Variants in TENM4 observed in about 807,000 individuals in gnomAD.
TENM4 encodes teneurin transmembrane protein 4, also known as teneurin-4.
A neutral mutation model predicts 243.3 loss-of-function variants in TENM4; 82 were observed. That is an observed-to-expected ratio of 0.34 (90% CI 0.28 to 0.40). TENM4 has a LOEUF of 0.40. Ranked by LOEUF, TENM4 falls within the 10% of genes least tolerant of loss-of-function variation. TENM4 has a pLI of 1.00. For synonymous variants in TENM4, 1,412 were observed against 1,456.3 expected (o/e 0.97, Z 0.69); for missense variants, 3,138 against 3,673.3 (o/e 0.85, Z 3.77).
chr11:79,419,430 G>A (rs1230469259), intron 1 of TENM4, among the ~76,000 whole-genome samples: 2 of 152,158 alleles, frequency 1.3e-5, no homozygotes, highest in Non-Finnish European at 2.9e-5. Context: ...CACGGCACGG[G>A]GATGGATGTG....
intron 7 of TENM4, among the ~76,000 whole-genome samples, chr11:78,900,448 C>T (rs1202889469): frequency 1.3e-5 from 2 of 152,172 alleles, no homozygotes; most frequent in African/African-American, 2.4e-5. Flanking sequence ...GTAGAACCTA[C>T]TATTTCCCCT....
chr11:78,866,510 G>A (rs557234831), intron 9 of TENM4, among the ~76,000 whole-genome samples: 40 of 151,648 alleles, frequency 2.6e-4, no homozygotes, highest in African/African-American at 8.7e-4. Flanking sequence ...GAATAAGCCA[G>A]GGAAAAAAGT....
chr11:79,194,863 A>G (rs966814261), intron 3 of TENM4, among the ~76,000 whole-genome samples: 2 of 152,330 alleles, frequency 1.3e-5, no homozygotes, highest in Non-Finnish European at 2.9e-5. Flanking sequence ...AGACCATGGG[A>G]AAAATATCTC....
At chr11:79,329,407 A>G (rs1038631657) in intron 1 of TENM4, among the ~76,000 whole-genome samples, 1 of 152,166 alleles carries the variant, frequency 6.6e-6, no homozygotes, top group Admixed American at 6.5e-5. Context: ...CAACATCCCA[A>G]CCTCAGTTAC....
At chr11:79,054,850 G>T (rs1233148470) in intron 6 of TENM4, among the ~76,000 whole-genome samples, 1 of 152,072 alleles carries the variant, frequency 6.6e-6, no homozygotes, top group Non-Finnish European at 1.5e-5. Context: ...TAACTGACTG[G>T]CTGGGTGCAG....
intron 6 of TENM4, among the ~76,000 whole-genome samples, chr11:79,000,169 G>A (rs928265166): frequency 6.6e-6 from 1 of 152,060 alleles, no homozygotes; most frequent in Non-Finnish European, 1.5e-5. Flanking sequence ...AAAAAGTGAA[G>A]GTAAAACAAA....
chr11:78,817,415 C>T (rs1591045970), intron 12 of TENM4, among the ~76,000 whole-genome samples: 1 of 152,140 alleles, frequency 6.6e-6, no homozygotes, highest in African/African-American at 2.4e-5. Flanking sequence ...GAGTTAAGAA[C>T]AAGAAGGTCT....
rs150744721 is a variant in TENM4 at position 79,283,248 on chromosome 11, AC to A, written c.-265+14239del. ...CACACACACACACACACACACACAC[AC>A]AAGTACAGATGAATATCTCCCAAAA... is the stretch of plus-strand genomic sequence containing the variant. On this transcript the variant is annotated intron_variant, in intron 2 of 33. Coordinates refer to ENST00000278550, the MANE Select transcript of TENM4 (RefSeq NM_001098816.3). Among the ~76,000 whole-genome samples the A allele has an allele frequency of 1.2e-3, 187 of 149,614 alleles. 1 individual carries two copies. Among genetic ancestry groups the A allele is most frequent in the African/African-American group, 4.2e-3 (166 of 39,768 alleles).
At chr11:78,683,588 T>G (rs1858575708) in intron 29 of TENM4, among the ~76,000 whole-genome samples, 1 of 136,990 alleles carries the variant, frequency 7.3e-6, no homozygotes. Context: ...GGGAACTCCC[T>G]GACCCCTTGC....
chr11:78,711,221 A>G (rs1471112422), intron 26 of TENM4, among the ~76,000 whole-genome samples: 1 of 152,212 alleles, frequency 6.6e-6, no homozygotes, highest in Non-Finnish European at 1.5e-5. Flanking sequence ...GGTATGTGGT[A>G]GAGACAATGT....
At chr11:79,343,643 T>G (rs1857278317) in intron 1 of TENM4, among the ~76,000 whole-genome samples, 1 of 150,872 alleles carries the variant, frequency 6.6e-6, no homozygotes, top group East Asian at 1.9e-4. Context: ...GAAAATACAG[T>G]GTAGCTAAGT....
chr11:79,412,392 AC>A (rs1181220817), intron 1 of TENM4, among the ~76,000 whole-genome samples: 1 of 152,176 alleles, frequency 6.6e-6, no homozygotes, highest in African/African-American at 2.4e-5. Context: ...GTTGGGGTCC[AC>A]CAGTTACCAA....
chr11:78,690,834 T>TAA (rs1858800958), intron 28 of TENM4, among the ~76,000 whole-genome samples: 3 of 152,192 alleles, frequency 2.0e-5, no homozygotes, highest in Non-Finnish European at 4.4e-5. Flanking sequence ...GGGGATGCTG[T>TAA]TCTAGGCTGA....
At chr11:78,921,048 G>C (rs1238908443) in intron 6 of TENM4, among the ~76,000 whole-genome samples, 1 of 152,190 alleles carries the variant, frequency 6.6e-6, no homozygotes, top group Non-Finnish European at 1.5e-5. Flanking sequence ...GAAGTGAAGG[G>C]TTAGCATGAG....
intron 1 of TENM4, among the ~76,000 whole-genome samples, chr11:79,394,693 A>C (rs926991417): frequency 5.9e-5 from 9 of 152,234 alleles, no homozygotes; most frequent in Non-Finnish European, 1.2e-4. Context: ...GTCTTTGTGA[A>C]TGTAATCAAG....
rs117664071 is a variant in TENM4 at position 79,048,147 on chromosome 11, C to T, written c.493+16591G>A. Among the ~76,000 whole-genome samples, 323 of 152,232 alleles carry T rather than the reference C, an allele frequency of 2.1e-3. 3 individuals carry two copies. In the East Asian group the frequency reaches 0.041, roughly 19 times the overall value. On this transcript the variant is annotated intron_variant, in intron 6 of 33. Transcript: ENST00000278550. ...TGGCCTGGCACTCACAGTGAGGTGACGGCATTCACCTGTTGAATATCAACA... is the reference window on the plus strand; with the variant it reads ...TGGCCTGGCACTCACAGTGAGGTGATGGCATTCACCTGTTGAATATCAACA...
intron 2 of TENM4, among the ~76,000 whole-genome samples, chr11:79,259,509 C>G (rs1855756572): frequency 6.6e-6 from 1 of 151,858 alleles, no homozygotes; most frequent in Non-Finnish European, 1.5e-5. Context: ...ATGCATCCAT[C>G]CATCCATCCA....
At chr11:78,945,524 A>G (rs2136471397) in intron 6 of TENM4, among the ~76,000 whole-genome samples, 1 of 152,306 alleles carries the variant, frequency 6.6e-6, no homozygotes, top group Admixed American at 6.5e-5. Flanking sequence ...GCCAATTAAT[A>G]ACCCTACAAT....
At chr11:79,224,239 T>A (rs934457505) in intron 2 of TENM4, among the ~76,000 whole-genome samples, 1 of 152,196 alleles carries the variant, frequency 6.6e-6, no homozygotes, top group African/African-American at 2.4e-5. Flanking sequence ...CCATGACGAT[T>A]GTCATGGTCT....
Sources: allele counts gnomAD v4.1 joint callset (sites outside exome capture counted in the v4.1 genomes callset), GRCh38; gene constraint gnomAD v4.1.1; transcripts MANE v1.5; gene names NCBI Gene and HGNC (gene_info 2026-07-23, HGNC 2026-07-21).